SUCLG2: variants seen among roughly 807,000 people sequenced by gnomAD.
SUCLG2 encodes succinate-CoA ligase GDP-forming subunit beta.
Under a neutral mutation model 47.9 loss-of-function variants are expected in SUCLG2, and 42 were observed. That is an observed-to-expected ratio of 0.88 (90% CI 0.69 to 1.14). SUCLG2 has a LOEUF of 1.14. Among genes scored for constraint, SUCLG2 ranks in the 50% most tolerant of loss-of-function variants. The probability of loss-of-function intolerance (pLI) is 0.00; values close to 1 mark genes in which losing one functional copy is unlikely to be tolerated. For synonymous variants in SUCLG2, 195 were observed against 197.3 expected (o/e 0.99, Z 0.10); for missense variants, 571 against 525.9 (o/e 1.09, Z -0.84).
At chr3:67,484,624 T>C (rs1370674739) in intron 9 of SUCLG2, among the ~76,000 whole-genome samples, 1 of 152,084 alleles carries the variant, frequency 6.6e-6, no homozygotes, top group Non-Finnish European at 1.5e-5. Flanking sequence ...AATGTGGGGA[T>C]GGGGAAGGGG....
downstream of SUCLG2, among the ~76,000 whole-genome samples, chr3:67,372,049 G>A (rs1055422419): frequency 6.6e-6 from 1 of 152,164 alleles, no homozygotes; most frequent in African/African-American, 2.4e-5. Context: ...ATTTAGACCA[G>A]AGAGCTATAC....
intron 9 of SUCLG2, among the ~76,000 whole-genome samples, chr3:67,478,397 G>A (rs1575723748): frequency 6.6e-6 from 1 of 152,206 alleles, no homozygotes; most frequent in Admixed American, 6.5e-5. Flanking sequence ...GGCTGAGAAG[G>A]AACTGAACAG....
downstream of SUCLG2, among the ~76,000 whole-genome samples, chr3:67,370,312 T>C (rs1018447527): frequency 6.6e-6 from 1 of 152,060 alleles, no homozygotes; most frequent in Non-Finnish European, 1.5e-5. Context: ...CAAGATAGAG[T>C]CATGCAGTTG....
intron 9 of SUCLG2, among the ~76,000 whole-genome samples, chr3:67,470,395 C>CT (rs1704576543): frequency 6.6e-6 from 1 of 152,186 alleles, no homozygotes; most frequent in Non-Finnish European, 1.5e-5. Flanking sequence ...TATTTACATG[C>CT]TTTTCTCTAC....
At chr3:67,496,319 G>A (rs1575735128) in intron 8 of SUCLG2, among the ~76,000 whole-genome samples, 1 of 152,288 alleles carries the variant, frequency 6.6e-6, no homozygotes, top group Admixed American at 6.5e-5. Flanking sequence ...CAAGCTATTG[G>A]AAGTTGCTAG....
intron 6 of SUCLG2, among the ~76,000 whole-genome samples, chr3:67,517,751 A>G (rs1330863791): frequency 6.6e-6 from 1 of 152,246 alleles, no homozygotes; most frequent in Non-Finnish European, 1.5e-5. Context: ...GCTATGAAAG[A>G]ATAGCAATTA....
Position 67,378,940 on chromosome 3 carries a change from A to G in SUCLG2, c.1184-3081T>C, listed in dbSNP as rs140668707. Among the ~76,000 whole-genome samples, 174 of 152,170 alleles carry G rather than the reference A, an allele frequency of 1.1e-3. 1 individual carries two copies. In the Middle Eastern group the frequency reaches 0.024, roughly 21 times the overall value. On this transcript the variant is annotated intron_variant, in intron 10 of 10. Transcript: ENST00000307227. ...CAGTCTTTGGACCAGAAGGTAAATG[A>G]CAGTTACACGTGTAAATTTTGTTTT...
At chr3:67,380,195 A>G (rs2087555) in intron 10 of SUCLG2, among the ~76,000 whole-genome samples, 142,654 of 150,256 alleles carry the variant, frequency 0.95, 67,839 homozygotes, top group East Asian at 1. Flanking sequence ...GTCCTCTCAC[A>G]GTTACCTAGG....
chr3:67,503,532 T>C (rs1411905253), intron 7 of SUCLG2, among the ~76,000 whole-genome samples: 1 of 152,174 alleles, frequency 6.6e-6, no homozygotes, highest in Admixed American at 6.5e-5. Context: ...AACCCTTAGC[T>C]TTCTCATTTA....
At chr3:67,465,785 G>A in intron 9 of SUCLG2, among the ~76,000 whole-genome samples, 1 of 152,016 alleles carries the variant, frequency 6.6e-6, no homozygotes, top group Non-Finnish European at 1.5e-5. Flanking sequence ...TGGCATCTGG[G>A]ACCCTAGCAT....
intron 9 of SUCLG2, among the ~76,000 whole-genome samples, chr3:67,408,400 T>A (rs1304764009): frequency 6.6e-6 from 1 of 152,170 alleles, no homozygotes; most frequent in Admixed American, 6.5e-5. Context: ...CAAAAGGAAA[T>A]GTCTTATACA....
Position 67,498,376 on chromosome 3 carries a change from C to A in SUCLG2, c.758-81G>T, listed in dbSNP as rs559628675. 9 of 1,468,358 alleles carry A rather than the reference C, an allele frequency of 6.1e-6. No individual in the cohort carries two copies. In the South Asian group the frequency reaches 8.8e-5, roughly 14 times the overall value. The allele number at this position is 1,468,358 out of a possible 1,614,324, so 91.0% of individuals were successfully genotyped here. On this transcript the variant is annotated intron_variant, in intron 7 of 10. Coordinates refer to ENST00000307227, the MANE Select transcript of SUCLG2 (RefSeq NM_003848.4). Reference sequence around the variant, plus strand: ...AGTTCTTCAGGCTGGTAGGCACAAGCGAAGGGAAAGTTAAGTACTGTCATT... The same window carrying A: ...AGTTCTTCAGGCTGGTAGGCACAAGAGAAGGGAAAGTTAAGTACTGTCATT...
At chr3:67,435,105 C>G (rs1703584692) in intron 9 of SUCLG2, among the ~76,000 whole-genome samples, 1 of 152,138 alleles carries the variant, frequency 6.6e-6, no homozygotes, top group Non-Finnish European at 1.5e-5. Context: ...ACAGTAGGAC[C>G]TCTCCTCCAT....
chr3:67,551,350 T>C (rs1203146855), intron 2 of SUCLG2, among the ~76,000 whole-genome samples: 3 of 152,180 alleles, frequency 2.0e-5, no homozygotes, highest in Non-Finnish European at 4.4e-5. Context: ...TATGTTTTGA[T>C]AGTTTGTTTT....
chr3:67,606,990 G>T (rs1700430506), intron 2 of SUCLG2, among the ~76,000 whole-genome samples: 1 of 152,178 alleles, frequency 6.6e-6, no homozygotes, highest in African/African-American at 2.4e-5. Context: ...ACTAGCTAAA[G>T]TACCTGCGAC....
intron 6 of SUCLG2, chr3:67,513,907 C>T (rs13323387): frequency 0.024 from 3,661 of 153,514 alleles, 142 homozygotes; most frequent in African/African-American, 0.082. Context: ...GCCTCAGAAT[C>T]GTGCAGGCAC....
intron 9 of SUCLG2, among the ~76,000 whole-genome samples, chr3:67,441,042 G>A (rs1427786509): frequency 2.6e-5 from 4 of 152,180 alleles, no homozygotes; most frequent in South Asian, 2.1e-4. Flanking sequence ...GGAATACTAT[G>A]CAGCCATAAA....
chr3:67,441,365 TAA>T (rs35082631), intron 9 of SUCLG2, among the ~76,000 whole-genome samples: 7 of 140,366 alleles, frequency 5.0e-5, no homozygotes, highest in South Asian at 2.4e-4. Context: ...TCTCAGAACT[TAA>T]AAAAAAAAAA....
intron 10 of SUCLG2, 104 bp downstream of exon 10, chr3:67,400,627 A>T: frequency 6.8e-7 from 1 of 1,478,048 alleles, no homozygotes; most frequent in African/African-American, 1.4e-5. Context: ...TACACAATCT[A>T]GTGTTTCGTT....
Sources: gnomAD v4.1 joint callset for allele counts (sites outside exome capture counted in the v4.1 genomes callset) on GRCh38, gnomAD v4.1.1 for gene constraint, MANE v1.5 for transcripts, NCBI Gene and HGNC (gene_info 2026-07-23, HGNC 2026-07-21) for gene names.